The following ALDH18A1 variants were observed in gnomAD, a reference collection of about 807,000 sequenced individuals.
The protein encoded by ALDH18A1 is aldehyde dehydrogenase 18 family member A1, also known as delta-1-pyrroline-5-carboxylate synthase.
In ALDH18A1, 44 loss-of-function variants were observed where a neutral mutation model predicts 88.8. The observed-to-expected ratio is 0.50, with a 90% CI of 0.39 to 0.64. The LOEUF (loss-of-function observed/expected upper bound fraction) is 0.64, where lower values mean the gene tolerates loss of function less well. ALDH18A1 is among the 30% of genes least tolerant of loss of function. The pLI is 0.00. For missense variants in ALDH18A1, 782 were observed against 1,009.5 expected, an observed-to-expected ratio of 0.77 and a Z score of 3.05; for synonymous variants, 331 against 372.1, an observed-to-expected ratio of 0.89 and a Z score of 1.27.
chr10:95,610,058 C>T (rs540081284), intron 17 of ALDH18A1, 139 bp downstream of exon 17: 59 of 832,096 alleles, frequency 7.1e-5, no homozygotes, highest in East Asian at 5.7e-4. Context: ...GCGTGAGCCA[C>T]GGCACCCAGC....
intron 17 of ALDH18A1, among the ~76,000 whole-genome samples, chr10:95,608,167 G>T (rs1207832768): frequency 6.6e-6 from 1 of 152,232 alleles, no homozygotes; most frequent in Non-Finnish European, 1.5e-5. Flanking sequence ...AACTCAACCA[G>T]CTTTCACTCT....
At chr10:95,620,985 C>T (rs752738238) in intron 12 of ALDH18A1, 46 bp downstream of exon 12, 1 of 1,568,480 alleles carries the variant, frequency 6.4e-7, no homozygotes, top group Admixed American at 1.7e-5. Context: ...ATATCCACAC[C>T]AGCCCCCAAT....
At chr10:95,622,034 G>A (rs183358129) in intron 11 of ALDH18A1, among the ~76,000 whole-genome samples, 180 of 152,066 alleles carry the variant, frequency 1.2e-3, no homozygotes, top group South Asian at 8.7e-3. Flanking sequence ...ATGTGTGCAC[G>A]GGAAGAAATC....
intron 13 of ALDH18A1, among the ~76,000 whole-genome samples, chr10:95,615,238 G>T (rs1589488182): frequency 6.6e-6 from 1 of 151,974 alleles, no homozygotes; most frequent in Admixed American, 6.6e-5. Context: ...AAGCTGAGGT[G>T]GGTGGACTGC....
intron 11 of ALDH18A1, 152 bp downstream of exon 11, chr10:95,625,210 C>T: frequency 1.3e-6 from 1 of 746,796 alleles, no homozygotes; most frequent in Non-Finnish European, 2.3e-6. Flanking sequence ...ATACCAGCCA[C>T]CCACCTACCC....
Position 95,606,313 on chromosome 10 carries a change from T to C in ALDH18A1, c.*449A>G, listed in dbSNP as rs377307985. 14 of 1,001,476 alleles carry C rather than the reference T, an allele frequency of 1.4e-5. No individual in the cohort carries two copies. Among genetic ancestry groups the C allele is most frequent in the Non-Finnish European group, 3.6e-6 (3 of 838,996 alleles). 62.0% of individuals were successfully genotyped at this position (1,001,476 alleles called of 1,614,324 possible). A position where few individuals can be genotyped will look rare whatever the true frequency, so the allele number is the denominator to read the frequency against. ...ATGCTAAAAAGAAGAGTTGCCCCTT[T>C]TCTAAAATTCCAAATCTTTCCTTTT... On this transcript the variant is annotated 3_prime_UTR_variant, in exon 18 of 18. Transcript: ENST00000371224.
At chr10:95,608,587 G>A (rs1455402968) in intron 17 of ALDH18A1, among the ~76,000 whole-genome samples, 4 of 152,090 alleles carry the variant, frequency 2.6e-5, no homozygotes, top group Non-Finnish European at 4.4e-5. Context: ...CTGCAGCCTC[G>A]AACTCCTGGG....
At chr10:95,620,552 AC>A (rs1478585674) in intron 12 of ALDH18A1, among the ~76,000 whole-genome samples, 1 of 152,228 alleles carries the variant, frequency 6.6e-6, no homozygotes, top group Non-Finnish European at 1.5e-5. Context: ...TCAATGATAG[AC>A]TGGATTAAGA....
chr10:95,647,907 G>A (rs74150977), intron 2 of ALDH18A1, among the ~76,000 whole-genome samples: 2,447 of 152,326 alleles, frequency 0.016, 62 homozygotes, highest in African/African-American at 0.055. Flanking sequence ...GGCGTGCCCC[G>A]GAAGGGCATG....
At chr10:95,637,838 G>A (rs1021618606) in intron 3 of ALDH18A1, among the ~76,000 whole-genome samples, 14 of 151,934 alleles carry the variant, frequency 9.2e-5, no homozygotes, top group African/African-American at 3.1e-4. Context: ...GCATGGTAGT[G>A]CATGCCAGCT....
Position 95,633,023 on chromosome 10 carries a change from G to A in ALDH18A1, c.744C>T (p.Ser248=). Residue 248 remains serine (S), a synonymous_variant, in exon 7 of 18, where the codon AGC becomes AGT. Coordinates refer to ENST00000371224, the MANE Select transcript of ALDH18A1 (RefSeq NM_002860.4). The stretch of plus-strand genomic sequence containing the variant: ...TTTCCACAGCCAGTCGGGCAGCCAG[G>A]CTATCATTATCTTTAACACTAATAA... ...VNVISVKDND[S]LAARLAVEMK... 2 of 1,614,112 alleles carry A rather than the reference G, an allele frequency of 1.2e-6. No homozygotes were observed. Among genetic ancestry groups the A allele is most frequent in the South Asian group, 2.2e-5 (2 of 91,080 alleles).
chr10:95,632,240 G>A (rs2097871559), intron 7 of ALDH18A1, among the ~76,000 whole-genome samples: 3 of 152,218 alleles, frequency 2.0e-5, no homozygotes, highest in Admixed American at 1.3e-4. Flanking sequence ...TAGAAGTGGG[G>A]AGTGACTGCT....
At chr10:95,637,967 AAACAACAACAAC>A (rs140422812) in intron 3 of ALDH18A1, among the ~76,000 whole-genome samples, 135 of 150,308 alleles carry the variant, frequency 9.0e-4, no homozygotes, top group African/African-American at 1.8e-3. Context: ...GCTGTCTCAA[AAACAACAACAAC>A]AACAACAACA....
At chr10:95,639,564 C>A (rs1259689874) in intron 3 of ALDH18A1, among the ~76,000 whole-genome samples, 1 of 151,130 alleles carries the variant, frequency 6.6e-6, no homozygotes. Flanking sequence ...AAAAGATAAT[C>A]ATATATATTA....
At chr10:95,630,237 A>T (rs1212293227) in intron 7 of ALDH18A1, among the ~76,000 whole-genome samples, 3 of 152,096 alleles carry the variant, frequency 2.0e-5, no homozygotes, top group Non-Finnish European at 4.4e-5. Context: ...CAGCCCTCCC[A>T]AGTAGCTGGG....
At chr10:95,621,789 T>G (rs1344395236) in intron 11 of ALDH18A1, among the ~76,000 whole-genome samples, 1 of 152,168 alleles carries the variant, frequency 6.6e-6, no homozygotes, top group Non-Finnish European at 1.5e-5. Context: ...TTCCAGAAAT[T>G]TATCATTTGT....
chr10:95,633,713 A>C, intron 5 of ALDH18A1, 64 bp from the exon 6 acceptor site: 1 of 1,576,890 alleles, frequency 6.3e-7, no homozygotes, highest in South Asian at 1.1e-5. Context: ...CCAGTATACA[A>C]AAGACGCTAA....
chr10:95,606,696 C>CAG lies in ALDH18A1; in HGVS notation c.*65_*66insCT. ...GAACTGGGAGACAAGAGCGGGCTCT[C>CAG]TCCTGAGATAAGACAAGTTTAACGT... is the stretch of plus-strand genomic sequence containing the variant. On this transcript the variant is annotated 3_prime_UTR_variant, in exon 18 of 18. Coordinates refer to ENST00000371224, the MANE Select transcript of ALDH18A1 (RefSeq NM_002860.4). 1 of 1,613,100 alleles carries CAG rather than the reference C, an allele frequency of 6.2e-7. No individual in the cohort carries two copies. The highest frequency in any genetic ancestry group is 1.7e-5 in the Admixed American group (1 of 60,008).
In ALDH18A1 at chr10:95,610,322, A is replaced by G. The variant is rs186124841; in HGVS notation, c.2111-30T>C. ...AGGGTGAAGAAGGAGAAACCAAGTT[A>G]GGATGATACCCAGAGAACATCCCTG... On this transcript the variant is annotated intron_variant, in intron 16 of 17. Transcript: ENST00000371224. The G allele has an allele frequency of 2.5e-6, 4 of 1,605,838 alleles. No individual in the cohort carries two copies. In the Admixed American group the frequency reaches 6.7e-5, roughly 27 times the overall value.
Sources: allele counts gnomAD v4.1 joint callset (sites outside exome capture counted in the v4.1 genomes callset), GRCh38; gene constraint gnomAD v4.1.1; transcripts MANE v1.5; gene names NCBI Gene and HGNC (gene_info 2026-07-23, HGNC 2026-07-21).